DCDC1: variants seen among roughly 807,000 people sequenced by gnomAD.
The protein encoded by DCDC1 is doublecortin domain-containing protein 1.
Under a neutral mutation model 178.3 loss-of-function variants are expected in DCDC1, and 200 were observed. The ratio of observed to expected loss-of-function variants is 1.12; its 90% CI spans 1.00 to 1.26. DCDC1 has a LOEUF of 1.26. DCDC1 is among the 50% of genes most tolerant of loss of function. The pLI, the probability that DCDC1 is intolerant of heterozygous loss-of-function variation, is 0.00. For synonymous variants in DCDC1, 690 were observed against 604.8 expected (o/e 1.14, Z -2.07); for missense variants, 1,983 against 1,749.2 (o/e 1.13, Z -2.38).
At chr11:30,868,191 A>G (rs1356410989) in intron 38 of DCDC1, among the ~76,000 whole-genome samples, 1 of 150,976 alleles carries the variant, frequency 6.6e-6, no homozygotes, top group East Asian at 1.9e-4. Context: ...ATGGTGCTAT[A>G]ACTGCAATTT....
intron 20 of DCDC1, among the ~76,000 whole-genome samples, chr11:31,060,988 C>G (rs1955884091): frequency 6.6e-6 from 1 of 152,004 alleles, no homozygotes; most frequent in South Asian, 2.1e-4. Flanking sequence ...AATGTCAGTG[C>G]GATCCCTGGC....
intron 7 of DCDC1, among the ~76,000 whole-genome samples, chr11:31,268,693 A>G (rs1018257828): frequency 9.9e-5 from 15 of 152,176 alleles, no homozygotes; most frequent in African/African-American, 3.6e-4. Context: ...ACACGAGTGC[A>G]TGCGTCATTT....
chr11:31,334,009 G>T (rs1950141569), intron 2 of DCDC1, among the ~76,000 whole-genome samples: 1 of 152,132 alleles, frequency 6.6e-6, no homozygotes, highest in Admixed American at 6.5e-5. Flanking sequence ...TCACTTTCAG[G>T]CACACCAATC....
At chr11:31,101,513 C>T (rs1220989192) in intron 15 of DCDC1, among the ~76,000 whole-genome samples, 1 of 152,092 alleles carries the variant, frequency 6.6e-6, no homozygotes, top group Non-Finnish European at 1.5e-5. Flanking sequence ...TAGATCAGAT[C>T]CTAAACTATA....
intron 11 of DCDC1, among the ~76,000 whole-genome samples, chr11:31,120,577 A>C (rs1478923123): frequency 6.6e-6 from 1 of 152,152 alleles, no homozygotes; most frequent in Non-Finnish European, 1.5e-5. Context: ...CTGGCTCCCA[A>C]ATTTGACAAG....
At chr11:31,275,571 C>T (rs957257156) in intron 7 of DCDC1, among the ~76,000 whole-genome samples, 1 of 152,086 alleles carries the variant, frequency 6.6e-6, no homozygotes. Context: ...ATGGCTTGAT[C>T]TCGGCTCACT....
intron 1 of DCDC1, among the ~76,000 whole-genome samples, chr11:31,353,638 TA>T (rs1160159754): frequency 2.0e-5 from 3 of 152,216 alleles, no homozygotes; most frequent in Non-Finnish European, 4.4e-5. Context: ...TTAAACGCCT[TA>T]TTCTTAAGGA....
chr11:31,365,627 T>C (rs1951919937), intron 1 of DCDC1, among the ~76,000 whole-genome samples: 2 of 152,108 alleles, frequency 1.3e-5, no homozygotes, highest in South Asian at 4.1e-4. Context: ...AGACGTTAGT[T>C]TACGGGCAGG....
At chr11:30,927,384 A>C (rs974241657) in intron 22 of DCDC1, among the ~76,000 whole-genome samples, 104 of 152,178 alleles carry the variant, frequency 6.8e-4, no homozygotes, top group Non-Finnish European at 1.2e-3. Flanking sequence ...AAAAAAGAAA[A>C]AAAGAAAGAA....
chr11:31,243,925 A>C (rs1321136565), intron 8 of DCDC1, among the ~76,000 whole-genome samples: 1 of 151,686 alleles, frequency 6.6e-6, no homozygotes, highest in Admixed American at 6.6e-5. Context: ...AGCACTAATA[A>C]AGGTTAGCCT....
chr11:31,185,270 G>T (rs1591341785), intron 9 of DCDC1, among the ~76,000 whole-genome samples: 1 of 152,296 alleles, frequency 6.6e-6, no homozygotes, highest in South Asian at 2.1e-4. Flanking sequence ...GGGTTGGGAG[G>T]CTAAGGGAGG....
intron 20 of DCDC1, among the ~76,000 whole-genome samples, chr11:31,023,811 G>A (rs1418744780): frequency 1.3e-5 from 2 of 151,772 alleles, no homozygotes; most frequent in Non-Finnish European, 2.9e-5. Context: ...TACATGGAAA[G>A]GTGTAATCAG....
intron 2 of DCDC1, among the ~76,000 whole-genome samples, chr11:31,332,849 T>G (rs1367245309): frequency 6.6e-6 from 1 of 152,210 alleles, no homozygotes; most frequent in Non-Finnish European, 1.5e-5. Flanking sequence ...GAGAAGAATG[T>G]ATATTCTGCT....
At chr11:30,938,217 A>ATCTC (rs150806325) in intron 21 of DCDC1, among the ~76,000 whole-genome samples, 1 of 146,786 alleles carries the variant, frequency 6.8e-6, no homozygotes, top group Non-Finnish European at 1.5e-5. Context: ...TTCTTCTTCT[A>ATCTC]TCTCTCTCTC....
At chr11:31,337,472 C>A (rs1281791732) in intron 1 of DCDC1, among the ~76,000 whole-genome samples, 2 of 152,174 alleles carry the variant, frequency 1.3e-5, no homozygotes, top group African/African-American at 4.8e-5. Flanking sequence ...AGTTTGAGAC[C>A]AGTCTGGAAA....
chr11:31,027,851 T>C (rs1449758690), intron 20 of DCDC1, among the ~76,000 whole-genome samples: 1 of 151,888 alleles, frequency 6.6e-6, no homozygotes, highest in Admixed American at 6.6e-5. Context: ...GCATGACTTC[T>C]TAAAAGCATT....
chr11:31,001,716 G>A (rs558999925), intron 20 of DCDC1, among the ~76,000 whole-genome samples: 3 of 152,284 alleles, frequency 2.0e-5, no homozygotes, highest in South Asian at 2.1e-4. Context: ...TATCACAGCC[G>A]CACTTCCAGA....
intron 20 of DCDC1, among the ~76,000 whole-genome samples, chr11:31,007,016 A>G (rs1416787653): frequency 6.6e-6 from 1 of 152,194 alleles, no homozygotes; most frequent in Non-Finnish European, 1.5e-5. Context: ...ATTATTCTTC[A>G]TTCTCATGCC....
intron 20 of DCDC1, among the ~76,000 whole-genome samples, chr11:31,035,778 C>T (rs1001309513): frequency 1.3e-5 from 2 of 152,228 alleles, no homozygotes; most frequent in Admixed American, 6.5e-5. Context: ...TTGCTTACAG[C>T]AATTATTGTT....
Sources: gnomAD v4.1 joint callset for allele counts (sites outside exome capture counted in the v4.1 genomes callset) on GRCh38, gnomAD v4.1.1 for gene constraint, MANE v1.5 for transcripts, NCBI Gene and HGNC (gene_info 2026-07-23, HGNC 2026-07-21) for gene names.